NBEA: variants seen among roughly 807,000 people sequenced by gnomAD.
The protein encoded by NBEA is neurobeachin.
In NBEA, 44 loss-of-function variants were observed where a neutral mutation model predicts 343.4. The observed-to-expected ratio is 0.13, with a 90% confidence interval of 0.10 to 0.16. The LOEUF (loss-of-function observed/expected upper bound fraction) is 0.16. Ranked by LOEUF, NBEA falls within the 10% of genes least tolerant of loss-of-function variation. The pLI is 1.00. For missense variants in NBEA, 2,555 were observed against 3,631.3 expected (o/e 0.70, Z 7.62); for synonymous variants, 1,175 against 1,238.7 (o/e 0.95, Z 1.08).
chr13:35,367,241 T>G (rs2041171856), intron 38 of NBEA, among the ~76,000 whole-genome samples: 1 of 151,290 alleles, frequency 6.6e-6, no homozygotes, highest in African/African-American at 2.4e-5. Context: ...AAATGAGGGT[T>G]TTGAAGCCTG....
intron 1 of NBEA, among the ~76,000 whole-genome samples, chr13:34,987,815 A>C (rs1365313214): frequency 6.6e-6 from 1 of 151,182 alleles, no homozygotes; most frequent in Non-Finnish European, 1.5e-5. Flanking sequence ...TGCATCACAT[A>C]GTTCTCATGC....
At chr13:35,378,863 TA>T (rs1211724296) in intron 38 of NBEA, among the ~76,000 whole-genome samples, 2 of 152,114 alleles carry the variant, frequency 1.3e-5, no homozygotes, top group East Asian at 3.8e-4. Flanking sequence ...TTATTTTGTT[TA>T]CCCTTACATT....
At chr13:34,985,876 G>T (rs560487356) in intron 1 of NBEA, among the ~76,000 whole-genome samples, 1 of 150,834 alleles carries the variant, frequency 6.6e-6, no homozygotes, top group East Asian at 1.9e-4. Context: ...GGGATCAGTG[G>T]TGATATCCCC....
intron 38 of NBEA, among the ~76,000 whole-genome samples, chr13:35,383,358 G>T (rs1365315199): frequency 2.6e-5 from 4 of 152,122 alleles, no homozygotes; most frequent in African/African-American, 9.7e-5. Context: ...TATATTAACT[G>T]TCAATAGCAT....
chr13:34,989,968 T>A (rs2060693418), intron 1 of NBEA, among the ~76,000 whole-genome samples: 1 of 151,188 alleles, frequency 6.6e-6, no homozygotes, highest in Non-Finnish European at 1.5e-5. Flanking sequence ...AGTCATCAAA[T>A]TTTAAAGCTC....
At chr13:35,540,287 A>T (rs1425243509) in intron 41 of NBEA, among the ~76,000 whole-genome samples, 2 of 152,280 alleles carry the variant, frequency 1.3e-5, no homozygotes, top group African/African-American at 2.4e-5. Flanking sequence ...TAACTAGTTT[A>T]AAAAATTAGC....
Position 35,233,185 on chromosome 13 carries a change from T to C in NBEA, c.5776+566T>C, listed in dbSNP as rs114224461. ...GGTTAATCAAAATCGTATTTCTTTTTAAAAAGTTTTGTTTTATGAATATTT... is the reference window on the plus strand; with the variant it reads ...GGTTAATCAAAATCGTATTTCTTTTCAAAAAGTTTTGTTTTATGAATATTT... On this transcript the variant is annotated intron_variant, in intron 34 of 58. Coordinates refer to ENST00000379939, the MANE Select transcript of NBEA (RefSeq NM_001385012.1). Among the ~76,000 whole-genome samples, 1,468 of 152,268 alleles carry C rather than the reference T, an allele frequency of 9.6e-3. 25 individuals carry two copies. The highest frequency in any genetic ancestry group is 0.034 in the African/African-American group (1,398 of 41,556).
chr13:35,235,730 T>C (rs2075197078), intron 34 of NBEA, among the ~76,000 whole-genome samples: 1 of 152,210 alleles, frequency 6.6e-6, no homozygotes, highest in Non-Finnish European at 1.5e-5. Context: ...TTCTTACTTA[T>C]TTCTTCTCAT....
At chr13:35,422,469 G>A in intron 38 of NBEA, among the ~76,000 whole-genome samples, 1 of 152,038 alleles carries the variant, frequency 6.6e-6, no homozygotes, top group East Asian at 1.9e-4. Context: ...CCCTACAAAG[G>A]ACATGAACTC....
chr13:35,575,016 C>T (rs1375168721), intron 45 of NBEA, among the ~76,000 whole-genome samples: 3 of 152,060 alleles, frequency 2.0e-5, no homozygotes, highest in African/African-American at 4.8e-5. Flanking sequence ...TGGGGATTAT[C>T]GGCGTGAGCC....
chr13:35,412,504 T>C (rs1200322887), intron 38 of NBEA, among the ~76,000 whole-genome samples: 2 of 152,178 alleles, frequency 1.3e-5, no homozygotes, highest in Admixed American at 6.6e-5. Context: ...AGTTTGTTTT[T>C]ATTATGAAAT....
chr13:35,260,025 A>T (rs186748114), intron 34 of NBEA, among the ~76,000 whole-genome samples: 1 of 152,352 alleles, frequency 6.6e-6, no homozygotes, highest in East Asian at 1.9e-4. Flanking sequence ...TTATAATCCA[A>T]TATGAAGATA....
chr13:35,016,582 A>ATG lies in NBEA; in HGVS notation c.295-24347_295-24346dup, dbSNP rs1380885094. On this transcript the variant is annotated intron_variant, in intron 1 of 58. Transcript: ENST00000379939. ...CAAGCTCCACCGTCCTTCAGCTTGT[A>ATG]TGTGTATACACACACACACACACAC... Among the ~76,000 whole-genome samples the ATG allele has an allele frequency of 1.8e-3, 175 of 98,478 alleles. 1 individual carries two copies. Among genetic ancestry groups the ATG allele is most frequent in the African/African-American group, 6.4e-3 (163 of 25,368 alleles). The allele number at this position is 98,478 out of a possible 152,430, so 64.6% of individuals were successfully genotyped here.
chr13:34,962,124 A>G (rs2059679269), intron 1 of NBEA, among the ~76,000 whole-genome samples: 1 of 151,968 alleles, frequency 6.6e-6, no homozygotes, highest in African/African-American at 2.4e-5. Context: ...TATGGCTTGT[A>G]TCTGTGACTT....
intron 46 of NBEA, among the ~76,000 whole-genome samples, chr13:35,587,057 A>C (rs929567931): frequency 6.6e-6 from 1 of 152,206 alleles, no homozygotes; most frequent in African/African-American, 2.4e-5. Flanking sequence ...TCACCAAATG[A>C]TCAGACCATA....
At chr13:35,077,694 A>C (rs1216938966) in intron 10 of NBEA, among the ~76,000 whole-genome samples, 1 of 152,164 alleles carries the variant, frequency 6.6e-6, no homozygotes, top group Non-Finnish European at 1.5e-5. Context: ...TAGAAGAGTT[A>C]TCTTTCTAAA....
At chr13:35,125,337 A>G (rs1188997828) in intron 17 of NBEA, among the ~76,000 whole-genome samples, 1 of 152,212 alleles carries the variant, frequency 6.6e-6, no homozygotes, top group Non-Finnish European at 1.5e-5. Context: ...TATAGCAAAT[A>G]GGAAGTGTCA....
intron 41 of NBEA, among the ~76,000 whole-genome samples, chr13:35,543,636 G>A (rs1594930268): frequency 6.6e-6 from 1 of 152,052 alleles, no homozygotes; most frequent in Non-Finnish European, 1.5e-5. Flanking sequence ...TTATACTCCA[G>A]TCAATACACC....
intron 10 of NBEA, among the ~76,000 whole-genome samples, chr13:35,092,999 A>G (rs943856175): frequency 2.0e-5 from 3 of 152,054 alleles, no homozygotes; most frequent in Non-Finnish European, 2.9e-5. Flanking sequence ...ATACTCATCA[A>G]CTAAAAAGAA....
Sources: allele counts gnomAD v4.1 joint callset (sites outside exome capture counted in the v4.1 genomes callset), GRCh38; gene constraint gnomAD v4.1.1; transcripts MANE v1.5; gene names NCBI Gene and HGNC (gene_info 2026-07-23, HGNC 2026-07-21).